Variants in TAFA5 observed in about 807,000 individuals in gnomAD.
TAFA5 encodes the protein chemokine-like protein TAFA-5.
Under a neutral mutation model 15.3 loss-of-function variants are expected in TAFA5, and 6 were observed. The observed-to-expected ratio is 0.39, with a 90% CI of 0.21 to 0.77. TAFA5 has a LOEUF of 0.77. Among genes scored for constraint, TAFA5 ranks in the 30% least tolerant of loss-of-function variants. TAFA5 has a pLI of 0.41. For synonymous variants in TAFA5, 103 were observed against 80.7 expected (o/e 1.28, Z -1.48); for missense variants, 161 against 193.1 (o/e 0.83, Z 0.98).
Position 48,489,840 on chromosome 22 carries a change from C to G in TAFA5, c.112+136C>G, listed in dbSNP as rs1016539649. Reference sequence around the variant, plus strand: ...CGCCGGGCGCATGGTCCCCCGAGTCCCGGCCGGTCCAACGCTGCGCTGGGC... The same window carrying G: ...CGCCGGGCGCATGGTCCCCCGAGTCGCGGCCGGTCCAACGCTGCGCTGGGC... On this transcript the variant is annotated intron_variant, in intron 1 of 3. Transcript: ENST00000402357. The surrounding 1 kb of genome is among the most constrained non-coding windows in gnomAD (Gnocchi z 5.5). 4 of 468,880 alleles carry G rather than the reference C, an allele frequency of 8.5e-6. No individual in the cohort carries two copies. Among genetic ancestry groups the G allele is most frequent in the South Asian group, 5.6e-5 (1 of 17,762 alleles). 29.0% of individuals were successfully genotyped at this position (468,880 alleles called of 1,614,324 possible). A position where few individuals can be genotyped will look rare whatever the true frequency, so the allele number is the denominator to read the frequency against.
At chr22:48,632,192 C>G (rs756588224) in intron 1 of TAFA5, among the ~76,000 whole-genome samples, 2 of 152,302 alleles carry the variant, frequency 1.3e-5, no homozygotes, top group East Asian at 1.9e-4. Context: ...TCCCGGCCAC[C>G]GTCCTCAACC....
intron 3 of TAFA5, among the ~76,000 whole-genome samples, chr22:48,722,112 C>T (rs968001260): frequency 1.3e-5 from 2 of 152,134 alleles, no homozygotes; most frequent in African/African-American, 4.8e-5. Context: ...GAGGAATCGC[C>T]ACACTGTCTT....
intron 1 of TAFA5, among the ~76,000 whole-genome samples, chr22:48,507,954 C>T (rs969767480): frequency 2.0e-5 from 3 of 152,090 alleles, no homozygotes; most frequent in Admixed American, 1.3e-4. Flanking sequence ...TCAGTGTCCT[C>T]ATCTGTGCAG....
chr22:48,637,604 C>T (rs1317238261), intron 1 of TAFA5, among the ~76,000 whole-genome samples: 5 of 152,280 alleles, frequency 3.3e-5, no homozygotes, highest in South Asian at 2.1e-4. Context: ...TGAGCTCTGC[C>T]GTTATCCCTG....
Position 48,694,939 on chromosome 22 carries a change from A to G in TAFA5, c.263-12778A>G, listed in dbSNP as rs116031269. Among the ~76,000 whole-genome samples, 494 of 147,080 alleles carry G rather than the reference A, an allele frequency of 3.4e-3. 3 individuals carry two copies. The highest frequency in any genetic ancestry group is 0.012 in the African/African-American group (468 of 39,836). On this transcript the variant is annotated intron_variant, in intron 2 of 3. Coordinates refer to ENST00000402357, the MANE Select transcript of TAFA5 (RefSeq NM_001082967.3). ...GTCAGGCCTCAAAGTGCTGCCTCCC[A>G]TCGGGCAGAAACGGGAGCCCTGAGC...
At chr22:48,636,710 G>A (rs1189698727) in intron 1 of TAFA5, among the ~76,000 whole-genome samples, 1 of 152,186 alleles carries the variant, frequency 6.6e-6, no homozygotes, top group African/African-American at 2.4e-5. Context: ...AACCCCAGGA[G>A]CCCCCAGGGC....
At chr22:48,518,970 C>T (rs768832835) in intron 1 of TAFA5, among the ~76,000 whole-genome samples, 5 of 152,166 alleles carry the variant, frequency 3.3e-5, no homozygotes, top group Non-Finnish European at 7.4e-5. Flanking sequence ...CCGTCAAGAG[C>T]TGTCGGACAC....
Position 48,666,348 on chromosome 22 carries a change from G to A in TAFA5, c.262+19602G>A, listed in dbSNP as rs115596484. On this transcript the variant is annotated intron_variant, in intron 2 of 3. Coordinates refer to ENST00000402357, the MANE Select transcript of TAFA5 (RefSeq NM_001082967.3). ...TTTTTGTCTGTGACTTCTTAAGTTC[G>A]TACACTTTACTTTTTTTATAGAAGG... Among the ~76,000 whole-genome samples the A allele has an allele frequency of 6.7e-3, 1,022 of 152,252 alleles. 12 individuals are homozygous for A. Among genetic ancestry groups the A allele is most frequent in the African/African-American group, 0.023 (975 of 41,534 alleles).
intron 1 of TAFA5, among the ~76,000 whole-genome samples, chr22:48,569,382 A>G (rs1310656596): frequency 6.6e-6 from 1 of 152,174 alleles, no homozygotes; most frequent in African/African-American, 2.4e-5. Flanking sequence ...CATCGATTCA[A>G]TAAACCGTGT....
chr22:48,524,038 C>T (rs987069385), intron 1 of TAFA5, among the ~76,000 whole-genome samples: 1 of 152,252 alleles, frequency 6.6e-6, no homozygotes, highest in Non-Finnish European at 1.5e-5. Context: ...AGGGCGGAAG[C>T]AGGGTGGGAA....
At chr22:48,695,918 C>T (rs1928696679) in intron 2 of TAFA5, among the ~76,000 whole-genome samples, 1 of 152,176 alleles carries the variant, frequency 6.6e-6, no homozygotes, top group Non-Finnish European at 1.5e-5. Flanking sequence ...CACCACAGGG[C>T]CACACAGCCA....
At chr22:48,601,687 T>G (rs1442307079) in intron 1 of TAFA5, among the ~76,000 whole-genome samples, 1 of 152,168 alleles carries the variant, frequency 6.6e-6, no homozygotes, top group Non-Finnish European at 1.5e-5. Flanking sequence ...CAAAGCAGCA[T>G]TCTGTGAAGT....
chr22:48,647,256 TGCTGGCA>T (rs1295456249), intron 2 of TAFA5, among the ~76,000 whole-genome samples: 1 of 152,160 alleles, frequency 6.6e-6, no homozygotes, highest in African/African-American at 2.4e-5. Context: ...GATGAGTGCC[TGCTGGCA>T]GCTGGCAGTG....
At chr22:48,719,581 C>T (rs1299644019) in intron 3 of TAFA5, among the ~76,000 whole-genome samples, 2 of 152,212 alleles carry the variant, frequency 1.3e-5, no homozygotes, top group East Asian at 3.9e-4. Flanking sequence ...GGACTGCCCC[C>T]CCTGCATTCT....
chr22:48,650,967 G>A (rs1292757933), intron 2 of TAFA5, among the ~76,000 whole-genome samples: 3 of 152,202 alleles, frequency 2.0e-5, no homozygotes, highest in Non-Finnish European at 2.9e-5. Context: ...CCACAGCACG[G>A]CACTGAGGAC....
chr22:48,668,789 C>G (rs557724963), intron 2 of TAFA5, among the ~76,000 whole-genome samples: 1 of 151,978 alleles, frequency 6.6e-6, no homozygotes, highest in African/African-American at 2.4e-5. Flanking sequence ...GGCCACAGGC[C>G]GCGATCTTGG....
In TAFA5 at chr22:48,690,055, C is replaced by G. The variant is rs939596414; in HGVS notation, c.263-17662C>G. Among the ~76,000 whole-genome samples the G allele has an allele frequency of 3.0e-4, 7 of 23,722 alleles. No individual in the cohort carries two copies. The South Asian group carries it at 9.0e-3, about 31-fold the overall frequency. 15.6% of individuals were successfully genotyped at this position (23,722 alleles called of 152,430 possible). Reference sequence around the variant, plus strand: ...TGGGGGAGGTGGGCTTGGCTGGGGTCAGTGGATGTGGAGATGTCCACCCTG... The same window carrying G: ...TGGGGGAGGTGGGCTTGGCTGGGGTGAGTGGATGTGGAGATGTCCACCCTG... On this transcript the variant is annotated intron_variant, in intron 2 of 3. Coordinates refer to ENST00000402357, the MANE Select transcript of TAFA5 (RefSeq NM_001082967.3).
intron 2 of TAFA5, among the ~76,000 whole-genome samples, chr22:48,661,679 C>T (rs6010570): frequency 0.29 from 43,307 of 151,834 alleles, 6,647 homozygotes; most frequent in African/African-American, 0.41. Context: ...GGGGCTCGTT[C>T]CCCCACCCTC....
intron 1 of TAFA5, among the ~76,000 whole-genome samples, chr22:48,519,926 A>G (rs559860244): frequency 6.6e-6 from 1 of 152,336 alleles, no homozygotes; most frequent in African/African-American, 2.4e-5. Flanking sequence ...GAACCTCAGA[A>G]TGTGACTTTA....
Sources: gnomAD v4.1 joint callset for allele counts (sites outside exome capture counted in the v4.1 genomes callset) on GRCh38, gnomAD v4.1.1 for gene constraint, Gnocchi (gnomAD v3.1) non-coding constraint, MANE v1.5 for transcripts, NCBI Gene and HGNC (gene_info 2026-07-23, HGNC 2026-07-21) for gene names.